Variants in TNIK observed in about 807,000 individuals in gnomAD.
TNIK encodes the protein TRAF2 and NCK interacting kinase.
Under a neutral mutation model 191.3 loss-of-function variants are expected in TNIK, and 49 were observed. That is an observed-to-expected ratio of 0.26 (90% CI 0.20 to 0.32). The LOEUF (loss-of-function observed/expected upper bound fraction) is 0.32, where lower values mean the gene tolerates loss of function less well. TNIK is among the 10% of genes least tolerant of loss of function. The pLI is 1.00. For synonymous variants in TNIK, 594 were observed against 600.9 expected, an observed-to-expected ratio of 0.99 and a Z score of 0.17; for missense variants, 1,155 against 1,702.3, an observed-to-expected ratio of 0.68 and a Z score of 5.66.
At chr3:171,318,025 G>C (rs1265903808) in intron 2 of TNIK, among the ~76,000 whole-genome samples, 1 of 152,136 alleles carries the variant, frequency 6.6e-6, no homozygotes. Context: ...TTAAAGCTCA[G>C]GGGGCTCAAA....
intron 1 of TNIK, among the ~76,000 whole-genome samples, chr3:171,417,773 G>C (rs1021780521): frequency 1.3e-5 from 2 of 152,088 alleles, no homozygotes; most frequent in African/African-American, 4.8e-5. Context: ...ACCTCACTGG[G>C]ACTTCACCCC....
At chr3:171,227,180 G>A (rs1743069699) in intron 3 of TNIK, among the ~76,000 whole-genome samples, 1 of 152,046 alleles carries the variant, frequency 6.6e-6, no homozygotes, top group Non-Finnish European at 1.5e-5. Context: ...TCTTGAAAAG[G>A]CATTAAAATA....
At chr3:171,077,001 TTGAG>T (rs747567742) in intron 28 of TNIK, among the ~76,000 whole-genome samples, 7 of 152,066 alleles carry the variant, frequency 4.6e-5, no homozygotes, top group Non-Finnish European at 7.4e-5. Context: ...TAAATCAATA[TTGAG>T]TGTTAAAATT....
intron 4 of TNIK, among the ~76,000 whole-genome samples, chr3:171,206,236 A>G (rs1248442092): frequency 6.6e-6 from 1 of 151,742 alleles, no homozygotes; most frequent in Admixed American, 6.6e-5. Flanking sequence ...ATGTATCTAT[A>G]CTAGCCATGT....
chr3:171,211,462 GGA>G (rs1306953110), intron 3 of TNIK, among the ~76,000 whole-genome samples: 1 of 151,854 alleles, frequency 6.6e-6, no homozygotes, highest in Non-Finnish European at 1.5e-5. Flanking sequence ...ACAATCTCTT[GGA>G]AAACAAAACA....
intron 2 of TNIK, among the ~76,000 whole-genome samples, chr3:171,236,191 C>A (rs192963408): frequency 1.2e-3 from 177 of 152,278 alleles, no homozygotes; most frequent in Middle Eastern, 6.8e-3. Flanking sequence ...CCTAGTGAAC[C>A]TTGTAAATTG....
At chr3:171,382,517 G>A (rs533838180) in intron 1 of TNIK, among the ~76,000 whole-genome samples, 19 of 152,220 alleles carry the variant, frequency 1.2e-4, no homozygotes, top group Admixed American at 7.2e-4. Context: ...CACCGTGCCC[G>A]GCCTGAATAA....
chr3:171,376,538 AT>A (rs1382947909), intron 1 of TNIK, among the ~76,000 whole-genome samples: 3 of 152,154 alleles, frequency 2.0e-5, no homozygotes, highest in African/African-American at 7.2e-5. Context: ...GGAAGCAGAC[AT>A]GAGCAACTTA....
chr3:171,086,501 T>C (rs1296724526), intron 24 of TNIK, among the ~76,000 whole-genome samples: 1 of 152,208 alleles, frequency 6.6e-6, no homozygotes, highest in Non-Finnish European at 1.5e-5. Flanking sequence ...CCACACAGCA[T>C]GAAATTACAA....
intron 1 of TNIK, among the ~76,000 whole-genome samples, chr3:171,396,437 A>T (rs1720263594): frequency 6.6e-6 from 1 of 152,204 alleles, no homozygotes; most frequent in South Asian, 2.1e-4. Context: ...CTTTTTGTAT[A>T]GACATATTTT....
intron 12 of TNIK, among the ~76,000 whole-genome samples, chr3:171,142,490 A>G (rs1333033815): frequency 6.6e-6 from 1 of 152,226 alleles, no homozygotes; most frequent in Admixed American, 6.5e-5. Flanking sequence ...AATTAGAATT[A>G]GGCCAAAATA....
At chr3:171,439,309 A>G (rs1252137090) in intron 1 of TNIK, among the ~76,000 whole-genome samples, 3 of 150,840 alleles carry the variant, frequency 2.0e-5, no homozygotes, top group African/African-American at 7.4e-5. Context: ...GTGCCACTGC[A>G]CTCCAGCCTG....
At chr3:171,106,521 T>G in intron 21 of TNIK, 1 of 310,348 alleles carries the variant, frequency 3.2e-6, no homozygotes, top group South Asian at 2.9e-5. Context: ...TTGCAAGGCC[T>G]GGATCTTAAA....
rs377720652 is a variant in TNIK at position 171,128,788 on chromosome 3, T to C, written c.1699A>G (p.Arg567Gly). The C allele has an allele frequency of 3.1e-6, 5 of 1,610,872 alleles. No homozygotes were observed. The African/African-American group carries it at 6.7e-5, about 22-fold the overall frequency. Reference protein sequence around the residue: ...NRISDPNLPPRSESFSISGVQ... With the variant: ...NRISDPNLPPGSESFSISGVQ... ...CCACTAATGCTGAAGGACTCCGACC[T>C]TGGGGGCAGGTTGGGGTCAGATATC... The change falls in exon 16 of 33, where the codon AGG becomes GGG. Residue 567 changes from arginine (R) to glycine (G), a missense_variant. Physicochemically the swap from Arg to Gly is moderately radical, Grantham distance 125 (BLOSUM62 -2). Transcript: ENST00000436636.
chr3:171,391,377 A>T (rs961392901), intron 1 of TNIK, among the ~76,000 whole-genome samples: 3 of 151,988 alleles, frequency 2.0e-5, no homozygotes, highest in African/African-American at 7.3e-5. Flanking sequence ...AAAGCTGTCT[A>T]CTCCCCTTGT....
intron 1 of TNIK, among the ~76,000 whole-genome samples, chr3:171,439,888 T>C (rs1362236388): frequency 1.3e-5 from 2 of 152,106 alleles, no homozygotes; most frequent in Non-Finnish European, 2.9e-5. Context: ...CCTCAGAAGC[T>C]CAGCATGTGC....
At chr3:171,303,559 A>T (rs538484813) in intron 2 of TNIK, among the ~76,000 whole-genome samples, 1 of 152,324 alleles carries the variant, frequency 6.6e-6, no homozygotes, top group East Asian at 1.9e-4. Flanking sequence ...AGAATATGTA[A>T]CACTTCAACA....
intron 1 of TNIK, among the ~76,000 whole-genome samples, chr3:171,431,260 T>A (rs377467482): frequency 6.8e-6 from 1 of 147,944 alleles, no homozygotes; most frequent in South Asian, 2.1e-4. Context: ...ATCAACAAAC[T>A]TTTTCTTCAT....
chr3:171,156,438 C>T (rs929607592), intron 12 of TNIK, among the ~76,000 whole-genome samples: 1 of 152,150 alleles, frequency 6.6e-6, no homozygotes, highest in African/African-American at 2.4e-5. Context: ...TGCTGCAAGC[C>T]CGTTAATGAG....
Sources: gnomAD v4.1 joint callset for allele counts (sites outside exome capture counted in the v4.1 genomes callset) on GRCh38, gnomAD v4.1.1 for gene constraint, MANE v1.5 for transcripts, NCBI Gene and HGNC (gene_info 2026-07-23, HGNC 2026-07-21) for gene names.